The following SLC26A5 variants were observed in gnomAD, a reference collection of about 807,000 sequenced individuals.
SLC26A5 encodes the protein prestin.
A neutral mutation model predicts 81.0 loss-of-function variants in SLC26A5; 51 were observed. The ratio of observed to expected loss-of-function variants is 0.63; its 90% CI spans 0.50 to 0.80. The LOEUF is 0.80. SLC26A5 is among the 30% of genes least tolerant of loss of function. The pLI, the probability that SLC26A5 is intolerant of heterozygous loss-of-function variation, is 0.00. For missense variants in SLC26A5, 771 were observed against 905.8 expected (o/e 0.85, Z 1.91); for synonymous variants, 325 against 332.8 (o/e 0.98, Z 0.25).
chr7:103,411,296 C>T, intron 6 of SLC26A5, 124 bp downstream of exon 6: 1 of 1,121,624 alleles, frequency 8.9e-7, no homozygotes, highest in South Asian at 1.5e-5. Flanking sequence ...GCAGTTACTC[C>T]CAGAGCTCTG....
At chr7:103,355,637 C>A in intron 19 of SLC26A5, 1 of 1,317,514 alleles carries the variant, frequency 7.6e-7, no homozygotes, top group Non-Finnish European at 1.1e-6. Flanking sequence ...GTTTAGAAAG[C>A]TTATTATAGG....
In SLC26A5 at chr7:103,407,326, TAATAA is replaced by T. The variant is rs371815046; in HGVS notation, c.888+520_888+524del. On this transcript the variant is annotated intron_variant, in intron 8 of 19. Transcript: ENST00000306312. ...ACATAATTGTGGTTACTTAAGAACATAATAAAATATTTTTATTCCAATTTATGTGC... is the reference window on the plus strand; with the variant it reads ...ACATAATTGTGGTTACTTAAGAACATAATATTTTTATTCCAATTTATGTGC... Among the ~76,000 whole-genome samples the T allele has an allele frequency of 5.4e-3, 821 of 152,310 alleles. 9 individuals carry two copies. Among genetic ancestry groups the T allele is most frequent in the African/African-American group, 0.019 (778 of 41,564 alleles).
chr7:103,375,824 C>A (rs532068254), intron 19 of SLC26A5, among the ~76,000 whole-genome samples: 1 of 151,846 alleles, frequency 6.6e-6, no homozygotes, highest in Admixed American at 6.6e-5. Flanking sequence ...GGTGCAATCT[C>A]GGCTCACTGC....
intron 14 of SLC26A5, among the ~76,000 whole-genome samples, chr7:103,383,988 A>T (rs1821992746): frequency 6.6e-6 from 1 of 151,734 alleles, no homozygotes; most frequent in African/African-American, 2.4e-5. Context: ...CAAAAAATTT[A>T]AAAATTAGCC....
intron 10 of SLC26A5, 120 bp from the exon 11 acceptor site, chr7:103,391,855 A>G (rs1005662166): frequency 8.7e-6 from 7 of 806,228 alleles, no homozygotes; most frequent in South Asian, 1.5e-5. Context: ...TTCCTTTCAG[A>G]TGTAAGAATT....
intron 2 of SLC26A5, among the ~76,000 whole-genome samples, chr7:103,436,961 G>A (rs954621388): frequency 2.6e-5 from 4 of 152,102 alleles, no homozygotes; most frequent in Non-Finnish European, 5.9e-5. Flanking sequence ...TCAAACTAAG[G>A]CTCTGCACAG....
At chr7:103,393,118 A>G in intron 9 of SLC26A5, 52 bp from the exon 10 acceptor site, 1 of 1,610,420 alleles carries the variant, frequency 6.2e-7, no homozygotes, top group Non-Finnish European at 8.5e-7. Flanking sequence ...GGGAAAAGAA[A>G]AAAAACCTTG....
At chr7:103,411,694 G>GGAGCGTAGCCTTCCTTC in intron 5 of SLC26A5, 108 bp from the exon 6 acceptor site, 3 of 1,248,612 alleles carry the variant, frequency 2.4e-6, no homozygotes, top group Non-Finnish European at 2.3e-6. Context: ...ATGCTTGAAG[G>GGAGCGTAGCCTTCCTTC]AAGGCTACGC....
At chr7:103,407,682 T>C (rs146366553) in intron 8 of SLC26A5, among the ~76,000 whole-genome samples, 169 bp downstream of exon 8, 242 of 152,302 alleles carry the variant, frequency 1.6e-3, no homozygotes, top group Non-Finnish European at 2.9e-3. Flanking sequence ...GTTTTAAGGC[T>C]TTTTCTTTTT....
At chr7:103,362,303 T>C (rs1820458198) in intron 19 of SLC26A5, 3 of 1,387,614 alleles carry the variant, frequency 2.2e-6, no homozygotes, top group Admixed American at 6.7e-5. Flanking sequence ...TTGTTTATTA[T>C]GAATGGCTTC....
chr7:103,444,184 A>C (rs1244013266), intron 1 of SLC26A5, among the ~76,000 whole-genome samples: 5 of 152,256 alleles, frequency 3.3e-5, no homozygotes, highest in Non-Finnish European at 7.3e-5. Context: ...TCTGAGTCAC[A>C]AAATGATTAA....
chr7:103,379,497 A>C (rs1349570339), intron 15 of SLC26A5, among the ~76,000 whole-genome samples, 162 bp from the exon 16 acceptor site: 1 of 151,650 alleles, frequency 6.6e-6, no homozygotes, highest in Non-Finnish European at 1.5e-5. Context: ...AAAAAAAAAA[A>C]AGATAAGAAA....
At chr7:103,362,528 C>A in intron 19 of SLC26A5, 1 of 1,406,106 alleles carries the variant, frequency 7.1e-7, no homozygotes, top group African/African-American at 1.5e-5. Flanking sequence ...AGTTTAGTAT[C>A]CTCAGATTTC....
At chr7:103,430,359 G>A (rs1296809410) in intron 2 of SLC26A5, among the ~76,000 whole-genome samples, 1 of 152,182 alleles carries the variant, frequency 6.6e-6, no homozygotes, top group Non-Finnish European at 1.5e-5. Context: ...GATTACAGGC[G>A]TGAGCCAACG....
intron 19 of SLC26A5, among the ~76,000 whole-genome samples, chr7:103,365,529 C>T (rs1373029411): frequency 3.3e-5 from 5 of 151,836 alleles, no homozygotes; most frequent in Non-Finnish European, 7.4e-5. Context: ...CTCGGGAGGC[C>T]GAGGCATGAG....
chr7:103,361,315 C>A (rs190109564), intron 19 of SLC26A5, among the ~76,000 whole-genome samples: 4 of 145,612 alleles, frequency 2.7e-5, no homozygotes, highest in Non-Finnish European at 4.5e-5. Flanking sequence ...GTTGGGAGTT[C>A]AAGAGAAACC....
chr7:103,364,981 A>ATATATT (rs950613120), intron 19 of SLC26A5, among the ~76,000 whole-genome samples: 4 of 140,800 alleles, frequency 2.8e-5, no homozygotes, highest in Admixed American at 7.1e-5. Context: ...ATATATATAT[A>ATATATT]TATTTAGAGA....
intron 17 of SLC26A5, among the ~76,000 whole-genome samples, chr7:103,378,140 G>T (rs1192053697): frequency 6.6e-6 from 1 of 152,098 alleles, no homozygotes; most frequent in Non-Finnish European, 1.5e-5. Context: ...TGCCTGAACA[G>T]CAAAAGCCAC....
intron 8 of SLC26A5, among the ~76,000 whole-genome samples, chr7:103,405,328 CT>C (rs1218230919): frequency 6.6e-6 from 1 of 152,106 alleles, no homozygotes; most frequent in African/African-American, 2.4e-5. Flanking sequence ...ATTTATCTAC[CT>C]TTGGTCTTTG....
Sources: allele counts gnomAD v4.1 joint callset (sites outside exome capture counted in the v4.1 genomes callset), GRCh38; gene constraint gnomAD v4.1.1; transcripts MANE v1.5; gene names NCBI Gene and HGNC (gene_info 2026-07-23, HGNC 2026-07-21).